COL8A1: variants seen among roughly 807,000 people sequenced by gnomAD.
The protein encoded by COL8A1 is collagen alpha-1(VIII) chain.
A neutral mutation model predicts 42.7 loss-of-function variants in COL8A1; 21 were observed. The observed-to-expected ratio is 0.49, with a 90% CI of 0.35 to 0.71. The LOEUF (loss-of-function observed/expected upper bound fraction) is 0.71. Among genes scored for constraint, COL8A1 ranks in the 30% least tolerant of loss-of-function variants. The pLI is 0.01. For missense variants in COL8A1, 788 were observed against 962.4 expected, an observed-to-expected ratio of 0.82 and a Z score of 2.40; for synonymous variants, 367 against 369.1, an observed-to-expected ratio of 0.99 and a Z score of 0.06.
chr3:99,705,628 T>C (rs1939660085), intron 1 of COL8A1, among the ~76,000 whole-genome samples: 1 of 152,142 alleles, frequency 6.6e-6, no homozygotes, highest in Admixed American at 6.5e-5. Flanking sequence ...TTGATAAAAG[T>C]CTAATACATG....
In COL8A1 at chr3:99,791,017, T is replaced by C; in HGVS notation, c.328+7T>C. 4.4e-6 allele frequency: 7 copies of C among 1,604,448 alleles called. No homozygotes were observed. Among genetic ancestry groups the C allele is most frequent in the Non-Finnish European group, 5.1e-6 (6 of 1,172,594 alleles). ...GTACCCAAGAAAGGCAAAGGTAACA[T>C]CATACTCCCAGGCTGTTATAAAACA... On this transcript the variant is annotated splice_region_variant and intron_variant, in intron 3 of 3. Transcript: ENST00000652472.
chr3:99,641,534 T>G (rs1424876253), intron 1 of COL8A1, among the ~76,000 whole-genome samples: 2 of 152,198 alleles, frequency 1.3e-5, no homozygotes, highest in African/African-American at 4.8e-5. Flanking sequence ...CCTTAAAACA[T>G]GTTTTTAACT....
chr3:99,735,042 G>A (rs1940660240), intron 1 of COL8A1, among the ~76,000 whole-genome samples: 2 of 151,720 alleles, frequency 1.3e-5, no homozygotes, highest in African/African-American at 4.8e-5. Context: ...AGCTTAAGGA[G>A]ATTTTGGGCT....
chr3:99,722,333 C>T (rs1940179174), intron 1 of COL8A1, among the ~76,000 whole-genome samples: 1 of 152,028 alleles, frequency 6.6e-6, no homozygotes, highest in Admixed American at 6.6e-5. Context: ...TATCAATGGC[C>T]TTGCAAAGAC....
rs200783625 is a variant in COL8A1 at position 99,686,861 on chromosome 3, T to TG, written c.-129+48205dup. On this transcript the variant is annotated intron_variant, in intron 1 of 3. Coordinates refer to ENST00000652472, the MANE Select transcript of COL8A1 (RefSeq NM_020351.4). ...TGGCTAATTTTTGTTTGTTTGTTTT[T>TG]GGGGGGGGTTCTGTTTGTTTGTTTT... Among the ~76,000 whole-genome samples, 807 of 151,620 alleles carry TG rather than the reference T, an allele frequency of 5.3e-3. 5 individuals are homozygous for TG. The highest frequency in any genetic ancestry group is 0.017 in the African/African-American group (702 of 41,350).
intron 1 of COL8A1, among the ~76,000 whole-genome samples, chr3:99,649,492 A>C (rs2107287574): frequency 6.6e-6 from 1 of 152,312 alleles, no homozygotes; most frequent in South Asian, 2.1e-4. Context: ...ATTTGGCCTA[A>C]GTTCATTCTT....
intron 2 of COL8A1, among the ~76,000 whole-genome samples, chr3:99,746,757 G>T (rs1268457982): frequency 6.6e-6 from 1 of 152,178 alleles, no homozygotes; most frequent in African/African-American, 2.4e-5. Context: ...TGATTCAGCA[G>T]TAAAAATAAA....
At position 99,790,699 on chromosome 3, in the gene COL8A1, G is replaced by A; in HGVS notation, c.17G>A (p.Gly6Asp). 6.2e-7 allele frequency: 1 copy of A among 1,613,996 alleles called. No individual in the cohort carries two copies. Among genetic ancestry groups the A allele is most frequent in the Non-Finnish European group, 8.5e-7 (1 of 1,179,974 alleles). Residue 6 changes from glycine (G) to aspartate (D), a missense_variant, in exon 3 of 4, where the codon GGC becomes GAC. By Grantham distance (94) the Gly-to-Asp change is moderately conservative (BLOSUM62 -1). Coordinates refer to ENST00000652472, the MANE Select transcript of COL8A1 (RefSeq NM_020351.4). ...CCACAGGTGATGGCTGTGCTGCCTG[G>A]CCCTCTGCAGCTGCTGGGAGTGCTG... Reference protein sequence around the residue: MAVLPGPLQLLGVLLT... With the variant: MAVLPDPLQLLGVLLT...
chr3:99,676,025 T>C (rs974432523), intron 1 of COL8A1, among the ~76,000 whole-genome samples: 1 of 152,102 alleles, frequency 6.6e-6, no homozygotes, highest in Non-Finnish European at 1.5e-5. Flanking sequence ...TTAATAGCAT[T>C]GTAAACTATC....
At position 99,795,741 on chromosome 3, in the gene COL8A1, G is replaced by A; in HGVS notation, c.1840G>A (p.Glu614Lys). The A allele has an allele frequency of 6.2e-7, 1 of 1,614,130 alleles. No individual in the cohort carries two copies. The highest frequency in any genetic ancestry group is 8.5e-7 in the Non-Finnish European group (1 of 1,180,004). ...AGGCAAGAATGGAGGGCCAGCCTATGAGATGCCTGCATTTACCGCCGAGCT... is the reference window on the plus strand; with the variant it reads ...AGGCAAGAATGGAGGGCCAGCCTATAAGATGCCTGCATTTACCGCCGAGCT... ...KKGKNGGPAY[E>K]MPAFTAELTA... is the part of the protein sequence containing the mutation. The change falls in exon 4 of 4, where the codon GAG becomes AAG. Residue 614 changes from glutamate (E) to lysine (K), a missense_variant. Physicochemically the swap from Glu to Lys is moderately conservative, Grantham distance 56 (BLOSUM62 1). Around this residue, in one of 4 missense-constraint regions of COL8A1, gnomAD observed 212 missense variants for 210.9 expected, o/e 1.00. Transcript: ENST00000652472.
intron 1 of COL8A1, among the ~76,000 whole-genome samples, chr3:99,719,442 G>A (rs1940089221): frequency 6.6e-6 from 1 of 152,020 alleles, no homozygotes; most frequent in Non-Finnish European, 1.5e-5. Flanking sequence ...AATGTAACAG[G>A]CACTCAGAAT....
At chr3:99,646,039 C>A (rs1937634390) in intron 1 of COL8A1, among the ~76,000 whole-genome samples, 1 of 152,108 alleles carries the variant, frequency 6.6e-6, no homozygotes, top group Admixed American at 6.5e-5. Flanking sequence ...CCAGAGGGTC[C>A]AGAACCTGCT....
At chr3:99,647,079 A>G (rs1038538806) in intron 1 of COL8A1, among the ~76,000 whole-genome samples, 3 of 152,238 alleles carry the variant, frequency 2.0e-5, no homozygotes, top group African/African-American at 7.2e-5. Flanking sequence ...TCAATGAAAC[A>G]ATATTAAACA....
At chr3:99,641,740 G>T (rs1937510862) in intron 1 of COL8A1, among the ~76,000 whole-genome samples, 1 of 152,110 alleles carries the variant, frequency 6.6e-6, no homozygotes, top group African/African-American at 2.4e-5. Flanking sequence ...TAACCCTCTG[G>T]GAGCTAGGTG....
intron 1 of COL8A1, among the ~76,000 whole-genome samples, chr3:99,668,019 C>A (rs1938419562): frequency 6.6e-6 from 1 of 151,998 alleles, no homozygotes; most frequent in African/African-American, 2.4e-5. Context: ...TGTCCATCAG[C>A]ATTTGAGTTA....
rs1426117876 is a variant in COL8A1 at position 99,795,896 on chromosome 3, C to T, written c.1995C>T (p.Tyr665=). ...TCCCTGGTGTCTACTACTTTGCATA[C>T]CACGTTCACTGCAAGGGGGGCAACG... The part of the protein sequence containing the change: ...CEVPGVYYFA[Y]HVHCKGGNVW... Residue 665 remains tyrosine, a synonymous_variant, in exon 4 of 4, where the codon TAC becomes TAT. Transcript: ENST00000652472. 1 of 1,614,154 alleles carries T rather than the reference C, an allele frequency of 6.2e-7. No homozygotes were observed. The highest frequency in any genetic ancestry group is 1.7e-5 in the Admixed American group (1 of 60,026).
At chr3:99,746,941 A>T (rs1200744643) in intron 2 of COL8A1, among the ~76,000 whole-genome samples, 1 of 152,204 alleles carries the variant, frequency 6.6e-6, no homozygotes, top group African/African-American at 2.4e-5. Context: ...ACTTGGTTTA[A>T]CTTGACATAG....
chr3:99,770,137 G>A (rs1197813172), intron 2 of COL8A1, among the ~76,000 whole-genome samples: 1 of 152,142 alleles, frequency 6.6e-6, no homozygotes, highest in Non-Finnish European at 1.5e-5. Flanking sequence ...TTAACTGGGG[G>A]TAAATGGGAA....
At position 99,644,660 on chromosome 3, in the gene COL8A1, T is replaced by C. The variant is rs1277649854; in HGVS notation, c.-129+5996T>C. Among the ~76,000 whole-genome samples the C allele has an allele frequency of 2.0e-5, 3 of 152,258 alleles. No individual in the cohort carries two copies. The East Asian group carries it at 5.8e-4, about 29-fold the overall frequency. On this transcript the variant is annotated intron_variant, in intron 1 of 3. Coordinates refer to ENST00000652472, the MANE Select transcript of COL8A1 (RefSeq NM_020351.4). ...GCTAAGCATCACTGTGAAAACATTC[T>C]TTTAAGTAAGTCTTTCTTGAAGACT...
Sources: allele counts gnomAD v4.1 joint callset (sites outside exome capture counted in the v4.1 genomes callset), GRCh38; gene constraint gnomAD v4.1.1; regional missense constraint gnomAD v4.1.1; transcripts MANE v1.5; gene names NCBI Gene and HGNC (gene_info 2026-07-23, HGNC 2026-07-21).